The following NXPH1 variants were observed in gnomAD, a reference collection of about 807,000 sequenced individuals.
NXPH1 encodes neurexophilin-1.
NXPH1 carries 5 observed loss-of-function variants against 23.7 expected under a neutral mutation model. That is an observed-to-expected ratio of 0.21 (90% confidence interval 0.11 to 0.44). NXPH1 has a LOEUF of 0.44. Among genes scored for constraint, NXPH1 ranks in the 20% least tolerant of loss-of-function variants. The probability of loss-of-function intolerance (pLI) is 0.99; values close to 1 mark genes in which losing one functional copy is unlikely to be tolerated. For missense variants in NXPH1, 324 were observed against 321.6 expected, an observed-to-expected ratio of 1.01 and a Z score of -0.06; for synonymous variants, 144 against 122.2, an observed-to-expected ratio of 1.18 and a Z score of -1.18.
chr7:8,635,322 C>T (rs927147151), intron 2 of NXPH1, among the ~76,000 whole-genome samples: 1 of 152,238 alleles, frequency 6.6e-6, no homozygotes, highest in Middle Eastern at 3.2e-3. Flanking sequence ...TAAAATCTCA[C>T]ATCACATTCT....
At chr7:8,524,241 CAAAAAAAAAAA>C (rs34744233) in intron 2 of NXPH1, among the ~76,000 whole-genome samples, 1 of 73,718 alleles carries the variant, frequency 1.4e-5, no homozygotes, top group Non-Finnish European at 2.4e-5. Flanking sequence ...GACTCTGTCT[CAAAAAAAAAAA>C]AAAAAAAAAA....
chr7:8,738,651 A>G (rs765479956), intron 2 of NXPH1, among the ~76,000 whole-genome samples: 2 of 152,180 alleles, frequency 1.3e-5, no homozygotes, highest in African/African-American at 2.4e-5. Context: ...CTCAAGTGCT[A>G]TGCTGGGAGA....
intron 2 of NXPH1, among the ~76,000 whole-genome samples, chr7:8,517,279 A>C (rs1817701008): frequency 1.3e-5 from 2 of 152,060 alleles, no homozygotes; most frequent in African/African-American, 4.8e-5. Context: ...TCAGAGGTAG[A>C]GTTGTCTAGA....
intron 2 of NXPH1, among the ~76,000 whole-genome samples, chr7:8,569,336 G>A (rs759449942): frequency 5.3e-5 from 8 of 151,876 alleles, no homozygotes; most frequent in Admixed American, 1.3e-4. Context: ...GATATACGTT[G>A]TTAGGATTTA....
intron 2 of NXPH1, among the ~76,000 whole-genome samples, chr7:8,599,147 G>T (rs766436244): frequency 5.3e-5 from 8 of 152,104 alleles, no homozygotes; most frequent in Non-Finnish European, 7.4e-5. Flanking sequence ...CAAATAGAAG[G>T]CTGTGGGAGA....
At chr7:8,579,985 G>C (rs1818834516) in intron 2 of NXPH1, among the ~76,000 whole-genome samples, 1 of 152,196 alleles carries the variant, frequency 6.6e-6, no homozygotes, top group Non-Finnish European at 1.5e-5. Flanking sequence ...TTTGTTATCA[G>C]AAACAGTGAG....
intron 2 of NXPH1, among the ~76,000 whole-genome samples, chr7:8,687,800 C>G (rs1004135940): frequency 1.3e-5 from 2 of 152,196 alleles, no homozygotes; most frequent in Non-Finnish European, 2.9e-5. Flanking sequence ...ATTGATACTA[C>G]TGTCTCTCTG....
intron 2 of NXPH1, among the ~76,000 whole-genome samples, chr7:8,643,645 A>G (rs1820352054): frequency 6.6e-6 from 1 of 152,160 alleles, no homozygotes. Context: ...TATAATACGA[A>G]CAAGATTTCT....
At chr7:8,527,503 A>C (rs1008256089) in intron 2 of NXPH1, among the ~76,000 whole-genome samples, 3 of 151,962 alleles carry the variant, frequency 2.0e-5, no homozygotes, top group African/African-American at 7.3e-5. Context: ...GCTTTGGCAA[A>C]CCCATAGAGG....
chr7:8,695,629 T>C (rs1238663579), intron 2 of NXPH1, among the ~76,000 whole-genome samples: 2 of 152,256 alleles, frequency 1.3e-5, no homozygotes, highest in Non-Finnish European at 2.9e-5. Context: ...TAAGGAATTT[T>C]GGATATTTCT....
chr7:8,631,922 G>C (rs1285823540), intron 2 of NXPH1, among the ~76,000 whole-genome samples: 1 of 152,090 alleles, frequency 6.6e-6, no homozygotes, highest in African/African-American at 2.4e-5. Flanking sequence ...ATCAAGATGA[G>C]TATTACATTT....
chr7:8,602,524 C>G (rs1044299060), intron 2 of NXPH1, among the ~76,000 whole-genome samples: 2 of 152,196 alleles, frequency 1.3e-5, no homozygotes, highest in African/African-American at 4.8e-5. Context: ...TAAGGCTGTT[C>G]AAATCCTCTT....
At chr7:8,588,375 A>G (rs557950484) in intron 2 of NXPH1, among the ~76,000 whole-genome samples, 1 of 152,156 alleles carries the variant, frequency 6.6e-6, no homozygotes, top group Non-Finnish European at 1.5e-5. Context: ...TACTAACTCA[A>G]AGAAGAGGGA....
chr7:8,725,826 A>G (rs1583247764), intron 2 of NXPH1, among the ~76,000 whole-genome samples: 1 of 150,882 alleles, frequency 6.6e-6, no homozygotes, highest in Admixed American at 6.7e-5. Flanking sequence ...TTCTGGGTTG[A>G]CCGACATTGT....
At chr7:8,452,316 T>G (rs563936401) in intron 2 of NXPH1, among the ~76,000 whole-genome samples, 1 of 152,198 alleles carries the variant, frequency 6.6e-6, no homozygotes, top group African/African-American at 2.4e-5. Context: ...GATATACTCT[T>G]TCTTTAAATA....
chr7:8,749,430 C>T (rs895410637), intron 2 of NXPH1, among the ~76,000 whole-genome samples: 4 of 152,104 alleles, frequency 2.6e-5, no homozygotes, highest in Admixed American at 2.6e-4. Flanking sequence ...GGATTGAGAG[C>T]GCATCCTTTC....
chr7:8,659,846 C>T (rs1372063720), intron 2 of NXPH1, among the ~76,000 whole-genome samples: 1 of 152,124 alleles, frequency 6.6e-6, no homozygotes, highest in Non-Finnish European at 1.5e-5. Flanking sequence ...ACTTAGTCAC[C>T]TGAGGGTGCA....
At chr7:8,700,851 T>A (rs536759142) in intron 2 of NXPH1, among the ~76,000 whole-genome samples, 4 of 152,112 alleles carry the variant, frequency 2.6e-5, no homozygotes, top group Admixed American at 2.0e-4. Flanking sequence ...CTGGGCTCAA[T>A]CTAGTCCACT....
At position 8,683,812 on chromosome 7, in the gene NXPH1, T is replaced by TA. The variant is rs1371599906; in HGVS notation, c.55-67196_55-67195insA. 2.0e-5 allele frequency among the ~76,000 whole-genome samples: 3 copies of TA among 152,076 alleles called. No homozygotes were observed. The East Asian group carries it at 5.8e-4, about 29-fold the overall frequency. Reference sequence around the variant, plus strand: ...GTTCAAGACACTAGCCTGCTTAATATGAAAAATATACCCCCAAGGAATTTA... The same window carrying TA: ...GTTCAAGACACTAGCCTGCTTAATATAGAAAAATATACCCCCAAGGAATTTA... On this transcript the variant is annotated intron_variant, in intron 2 of 2. Transcript: ENST00000405863.
Sources: gnomAD v4.1 joint callset for allele counts (sites outside exome capture counted in the v4.1 genomes callset) on GRCh38, gnomAD v4.1.1 for gene constraint, MANE v1.5 for transcripts, NCBI Gene and HGNC (gene_info 2026-07-23, HGNC 2026-07-21) for gene names.